PAQR3: variants seen among roughly 807,000 people sequenced by gnomAD.
PAQR3 encodes the protein progestin and adipoQ receptor family member 3.
A neutral mutation model predicts 41.7 loss-of-function variants in PAQR3; 39 were observed. That is an observed-to-expected ratio of 0.93 (90% CI 0.72 to 1.22). The LOEUF is 1.22. Ranked by LOEUF, PAQR3 falls within the 50% of genes most tolerant of loss-of-function variation. The pLI, the probability that PAQR3 is intolerant of heterozygous loss-of-function variation, is 0.00. For missense variants in PAQR3, 366 were observed against 385.6 expected (o/e 0.95, Z 0.42); for synonymous variants, 140 against 140.6 (o/e 1.00, Z 0.03).
At chr4:78,938,521 C>G (rs1352311425) in intron 1 of PAQR3, among the ~76,000 whole-genome samples, 1 of 152,136 alleles carries the variant, frequency 6.6e-6, no homozygotes, top group Non-Finnish European at 1.5e-5. Context: ...GTTACCCAGG[C>G]TACACCTTAG....
At chr4:78,892,490 G>C (rs1003805358) in intron 11 of PAQR3, among the ~76,000 whole-genome samples, 2 of 152,204 alleles carry the variant, frequency 1.3e-5, no homozygotes, top group East Asian at 3.9e-4. Context: ...ACTTGCTAAG[G>C]TATTAATCTC....
intron 1 of PAQR3, among the ~76,000 whole-genome samples, chr4:78,936,211 C>T (rs1737415455): frequency 1.3e-5 from 2 of 152,178 alleles, no homozygotes; most frequent in Non-Finnish European, 1.5e-5. Context: ...AGATAGGACT[C>T]ATCTGATTAT....
intron 1 of PAQR3, among the ~76,000 whole-genome samples, chr4:78,937,570 A>AG (rs1737564408): frequency 6.6e-6 from 1 of 152,206 alleles, no homozygotes; most frequent in Non-Finnish European, 1.5e-5. Context: ...ACGGCTTATT[A>AG]GGTTCCAGGC....
At chr4:78,909,705 T>C (rs1184586762), downstream of PAQR3, among the ~76,000 whole-genome samples, 3 of 152,230 alleles carry the variant, frequency 2.0e-5, no homozygotes, top group East Asian at 5.8e-4. Context: ...TCTTCACCAC[T>C]GTCCAAAGTA....
chr4:78,928,283 C>T (rs1736455894), intron 3 of PAQR3, among the ~76,000 whole-genome samples: 1 of 152,078 alleles, frequency 6.6e-6, no homozygotes, highest in Non-Finnish European at 1.5e-5. Context: ...TAAACAGTTT[C>T]ATGCAAAATG....
At chr4:78,892,614 T>C (rs1411834986) in intron 11 of PAQR3, among the ~76,000 whole-genome samples, 3 of 152,366 alleles carry the variant, frequency 2.0e-5, no homozygotes, top group Admixed American at 2.0e-4. Context: ...CTCTAGCTTC[T>C]TAAGCAAGAT....
chr4:78,924,559 T>G (rs575655687), intron 4 of PAQR3, among the ~76,000 whole-genome samples: 4 of 152,224 alleles, frequency 2.6e-5, no homozygotes, highest in Non-Finnish European at 5.9e-5. Flanking sequence ...TTTGGGAGGC[T>G]TTGGCAGAAG....
rs746906504 is a variant in PAQR3, at chr4:78,926,677, G to A, written c.546C>T (p.Ile182=). The A allele has an allele frequency of 5.0e-6, 8 of 1,613,878 alleles. No individual in the cohort carries two copies. The African/African-American group carries it at 6.7e-5, about 13-fold the overall frequency. Residue 182 remains isoleucine, a synonymous_variant, in exon 4 of 6, where the codon ATC becomes ATT. Coordinates refer to ENST00000512733, the MANE Select transcript of PAQR3 (RefSeq NM_001040202.2). ...QVYLITVLAM[I]LAVFFAQIHP... ...GAATCTGCGCAAAGAACACTGCCAG[G>A]ATCATAGCAAGCACTGTGATCAAGT...
intron 11 of PAQR3, among the ~76,000 whole-genome samples, chr4:78,904,882 AAGAT>A (rs1377908975): frequency 2.6e-5 from 4 of 151,942 alleles, no homozygotes; most frequent in African/African-American, 9.7e-5. Context: ...TTCTGAAAAT[AAGAT>A]AGTTATAATT....
intron 5 of PAQR3, 27 bp downstream of exon 5, chr4:78,923,830 C>A (rs1735906015): frequency 1.3e-6 from 2 of 1,497,526 alleles, no homozygotes; most frequent in Non-Finnish European, 1.9e-6. Flanking sequence ...ACTAACAATA[C>A]AAAACTGCTA....
rs1737826653 is a variant in PAQR3, at chr4:78,939,416, C to G, written c.-192G>C. 2.1e-5 allele frequency: 6 copies of G among 288,212 alleles called. No individual in the cohort carries two copies. Among genetic ancestry groups the G allele is most frequent in the Non-Finnish European group, 3.0e-5 (5 of 168,984 alleles). The allele number at this position is 288,212 out of a possible 1,614,324, so 17.9% of individuals were successfully genotyped here. On this transcript the variant is annotated 5_prime_UTR_variant, in exon 1 of 6. Coordinates refer to ENST00000512733, the MANE Select transcript of PAQR3 (RefSeq NM_001040202.2). ...CACTGCCGCCAGCGCCGCGGCGGAC[C>G]CGGCAGCGTCGCAGCCTCCTCTGAC...
rs895073046 is a variant in PAQR3 at position 78,917,124 on chromosome 4, A to G, written c.*3415T>C. On this transcript the variant is annotated 3_prime_UTR_variant, in exon 6 of 6. Coordinates refer to ENST00000512733, the MANE Select transcript of PAQR3 (RefSeq NM_001040202.2). ...ATTCAGTTATAGTTACTTGAGATGA[A>G]TATATGCTGCAATTTGAGCTATTTA... 6.6e-6 allele frequency: 1 copy of G among 152,030 alleles called. No individual in the cohort carries two copies. Among genetic ancestry groups the G allele is most frequent in the Non-Finnish European group, 1.5e-5 (1 of 67,928 alleles). 9.4% of individuals were successfully genotyped at this position (152,030 alleles called of 1,614,324 possible).
At position 78,935,217 on chromosome 4, in the gene PAQR3, G is replaced by A; in HGVS notation, c.252C>T (p.Phe84=). Reference sequence around the variant, plus strand: ...ATGTCATGTCATATATTCCCAGGGTGAAGAAGAGAAAGAAACCCAGCAAAT... The same window carrying A: ...ATGTCATGTCATATATTCCCAGGGTAAAGAAGAGAAAGAAACCCAGCAAAT... ...WSHLLGFFLF[F]TLGIYDMTSV... Residue 84 remains phenylalanine, a synonymous_variant, in exon 2 of 6, where the codon TTC becomes TTT. Coordinates refer to ENST00000512733, the MANE Select transcript of PAQR3 (RefSeq NM_001040202.2). 2 of 1,613,634 alleles carry A rather than the reference G, an allele frequency of 1.2e-6. No homozygotes were observed. Among genetic ancestry groups the A allele is most frequent in the East Asian group, 2.2e-5 (1 of 44,868 alleles).
Position 78,920,352 on chromosome 4 carries a change from T to G in PAQR3, c.*187A>C. The G allele has an allele frequency of 8.2e-7, 1 of 1,224,824 alleles. No individual in the cohort carries two copies. The highest frequency in any genetic ancestry group is 1.0e-6 in the Non-Finnish European group (1 of 982,174). The allele number at this position is 1,224,824 out of a possible 1,614,324, so 75.9% of individuals were successfully genotyped here. ...CTGTACAAGCAGCAAATTAGTAGTT[T>G]TAAGGATTTTGTAAAGCAGTTATTA... On this transcript the variant is annotated 3_prime_UTR_variant, in exon 6 of 6. Coordinates refer to ENST00000512733, the MANE Select transcript of PAQR3 (RefSeq NM_001040202.2).
Position 78,918,478 on chromosome 4 carries a change from G to GA in PAQR3, c.*2060dup. 1 of 959,476 alleles carries GA rather than the reference G, an allele frequency of 1.0e-6. No homozygotes were observed. The highest frequency in any genetic ancestry group is 1.2e-6 in the Non-Finnish European group (1 of 806,326). 59.4% of individuals were successfully genotyped at this position (959,476 alleles called of 1,614,324 possible). ...TTTATAATAAATATATCATAGCAGTGAAAAAATGAGAGGATAACTTTCTTA... is the reference window on the plus strand; with the variant it reads ...TTTATAATAAATATATCATAGCAGTGAAAAAAATGAGAGGATAACTTTCTTA... On this transcript the variant is annotated 3_prime_UTR_variant, in exon 6 of 6. Coordinates refer to ENST00000512733, the MANE Select transcript of PAQR3 (RefSeq NM_001040202.2).
intron 12 of PAQR3, chr4:78,887,451 G>A: frequency 1.7e-6 from 1 of 595,776 alleles, no homozygotes; most frequent in Non-Finnish European, 2.9e-6. Flanking sequence ...TTTGCATTGA[G>A]TTATTATTCA....
intron 11 of PAQR3, among the ~76,000 whole-genome samples, chr4:78,892,418 C>G (rs182049435): frequency 3.4e-4 from 51 of 152,232 alleles, no homozygotes; most frequent in African/African-American, 1.1e-3. Context: ...TGTGGAGGAT[C>G]TATTCTGATA....
chr4:78,912,111 G>C lies in PAQR3; in HGVS notation c.*8428C>G, dbSNP rs1243003620. 21 of 1,334,638 alleles carry C rather than the reference G, an allele frequency of 1.6e-5. No individual in the cohort carries two copies. Among genetic ancestry groups the C allele is most frequent in the Non-Finnish European group, 2.2e-5 (21 of 964,296 alleles). The allele number at this position is 1,334,638 out of a possible 1,614,324, so 82.7% of individuals were successfully genotyped here. On this transcript the variant is annotated 3_prime_UTR_variant, in exon 6 of 6. Transcript: ENST00000512733. ...GTTTTATGAATTTGAAAGAAAATTT[G>C]GTAGCTCTTTATAGCATTCATTCTT...
chr4:78,888,799 ATCTT>A (rs1733251361), intron 11 of PAQR3, among the ~76,000 whole-genome samples: 1 of 152,206 alleles, frequency 6.6e-6, no homozygotes, highest in Non-Finnish European at 1.5e-5. Flanking sequence ...TGAATTGTCT[ATCTT>A]TGAATCCTGC....
Sources: allele counts gnomAD v4.1 joint callset (sites outside exome capture counted in the v4.1 genomes callset), GRCh38; gene constraint gnomAD v4.1.1; transcripts MANE v1.5; gene names NCBI Gene and HGNC (gene_info 2026-07-23, HGNC 2026-07-21).